The following PIAS2 variants were observed in gnomAD, a reference collection of about 807,000 sequenced individuals.
PIAS2 encodes protein inhibitor of activated STAT 2, also known as E3 SUMO-protein ligase PIAS2.
Under a neutral mutation model 69.7 loss-of-function variants are expected in PIAS2, and 19 were observed. The ratio of observed to expected loss-of-function variants is 0.27; its 90% CI spans 0.19 to 0.40. The LOEUF (loss-of-function observed/expected upper bound fraction) is 0.40. Ranked by LOEUF, PIAS2 falls within the 10% of genes least tolerant of loss-of-function variation. The pLI is 1.00. For synonymous variants in PIAS2, 261 were observed against 263.2 expected, an observed-to-expected ratio of 0.99 and a Z score of 0.08; for missense variants, 624 against 757.0, an observed-to-expected ratio of 0.82 and a Z score of 2.06.
chr18:46,867,865 T>C (rs1189221310), intron 2 of PIAS2, among the ~76,000 whole-genome samples: 1 of 152,210 alleles, frequency 6.6e-6, no homozygotes, highest in Non-Finnish European at 1.5e-5. Flanking sequence ...GCTCCAAGGC[T>C]GAACCATAAA....
chr18:46,829,990 A>AT, intron 9 of PIAS2, 123 bp from the exon 10 acceptor site: 3 of 763,528 alleles, frequency 3.9e-6, no homozygotes, highest in Non-Finnish European at 4.3e-6. Context: ...TTCTTTTGGT[A>AT]TTGCAATACT....
chr18:46,872,267 C>A (rs555633673), intron 2 of PIAS2, among the ~76,000 whole-genome samples: 1 of 152,316 alleles, frequency 6.6e-6, no homozygotes, highest in East Asian at 1.9e-4. Context: ...AGCAAAATAC[C>A]ATATGACCAT....
At chr18:46,856,058 T>A (rs1490955503) in intron 3 of PIAS2, among the ~76,000 whole-genome samples, 1 of 130,454 alleles carries the variant, frequency 7.7e-6, no homozygotes, top group African/African-American at 3.0e-5. Flanking sequence ...CAGGCTGGAG[T>A]GCAGTGGCGC....
At chr18:46,886,384 G>A (rs1370809449) in intron 2 of PIAS2, among the ~76,000 whole-genome samples, 5 of 152,078 alleles carry the variant, frequency 3.3e-5, no homozygotes, top group Admixed American at 2.6e-4. Flanking sequence ...AATGAACCAC[G>A]ACATTGTGCA....
intron 2 of PIAS2, among the ~76,000 whole-genome samples, chr18:46,879,373 G>C (rs1202149951): frequency 2.5e-5 from 2 of 78,548 alleles, no homozygotes; most frequent in Non-Finnish European, 2.5e-5. Flanking sequence ...ACACCCATCA[G>C]GATGGTCACT....
At chr18:46,817,856 C>A in intron 12 of PIAS2, 1 of 964,994 alleles carries the variant, frequency 1.0e-6, no homozygotes, top group Non-Finnish European at 1.2e-6. Flanking sequence ...ACATTTTAAG[C>A]AGAATATTAA....
chr18:46,811,475 G>C lies in PIAS2; in HGVS notation c.*958C>G, dbSNP rs1599228451. 2 of 152,040 alleles carry C rather than the reference G, an allele frequency of 1.3e-5. 1 individual carries two copies. Among genetic ancestry groups the C allele is most frequent in the East Asian group, 3.9e-4 (2 of 5,190 alleles). The allele number at this position is 152,040 out of a possible 1,614,324, so 9.4% of individuals were successfully genotyped here. ...AGTTGTTGGGAAGAAATTAAATTTT[G>C]TTATTACCACCTCCCAAAATCTGCT... On this transcript the variant is annotated 3_prime_UTR_variant, in exon 14 of 14. Coordinates refer to ENST00000585916, the MANE Select transcript of PIAS2 (RefSeq NM_004671.5).
At chr18:46,917,271 C>A (rs1599214798) in intron 1 of PIAS2, 51 bp downstream of exon 1, 1 of 1,435,660 alleles carries the variant, frequency 7.0e-7, no homozygotes, top group South Asian at 1.3e-5. Flanking sequence ...GGTTTCCCCA[C>A]CTCCTCTCCC....
chr18:46,831,757 C>CA (rs1028705014), intron 9 of PIAS2, among the ~76,000 whole-genome samples: 2 of 152,072 alleles, frequency 1.3e-5, no homozygotes, highest in African/African-American at 4.8e-5. Context: ...ATATACCAAA[C>CA]AAAAACAAAA....
intron 2 of PIAS2, among the ~76,000 whole-genome samples, chr18:46,883,840 T>G (rs1253663926): frequency 6.6e-6 from 1 of 151,998 alleles, no homozygotes; most frequent in East Asian, 1.9e-4. Flanking sequence ...TCTCAATAAA[T>G]AATAAATAAA....
intron 5 of PIAS2, among the ~76,000 whole-genome samples, chr18:46,847,554 T>C (rs1197568199): frequency 1.3e-5 from 2 of 151,416 alleles, no homozygotes; most frequent in Non-Finnish European, 2.9e-5. Flanking sequence ...CGAACTTGGC[T>C]CACTGCAAGC....
At chr18:46,836,563 G>A in intron 8 of PIAS2, 46 bp from the exon 9 acceptor site, 1 of 1,436,654 alleles carries the variant, frequency 7.0e-7, no homozygotes, top group Non-Finnish European at 9.7e-7. Context: ...AAAGGAGAAT[G>A]AGCTCAGAGG....
intron 2 of PIAS2, among the ~76,000 whole-genome samples, chr18:46,888,261 T>TC (rs1408348230): frequency 2.0e-5 from 3 of 152,092 alleles, no homozygotes; most frequent in Non-Finnish European, 2.9e-5. Flanking sequence ...ATTTTTTTTT[T>TC]CCCCATCAGC....
chr18:46,843,461 C>G (rs2145216601), intron 8 of PIAS2, among the ~76,000 whole-genome samples: 1 of 152,316 alleles, frequency 6.6e-6, no homozygotes, highest in East Asian at 1.9e-4. Context: ...TAAGTGAAGT[C>G]TGCACCATTT....
chr18:46,817,799 T>TA, intron 12 of PIAS2: 2 of 956,298 alleles, frequency 2.1e-6, no homozygotes, highest in Non-Finnish European at 2.5e-6. Flanking sequence ...TTTTAGATGT[T>TA]ATTCTTTCTA....
chr18:46,832,589 TAAAATTAAA>T (rs2043809028), intron 9 of PIAS2, among the ~76,000 whole-genome samples: 1 of 151,838 alleles, frequency 6.6e-6, no homozygotes, highest in Non-Finnish European at 1.5e-5. Context: ...TAGTATGATC[TAAAATTAAA>T]AAGATTAACT....
intron 12 of PIAS2, chr18:46,817,133 A>C: frequency 1.1e-6 from 1 of 951,776 alleles, no homozygotes; most frequent in Non-Finnish European, 1.3e-6. Flanking sequence ...AGTTTTCTTC[A>C]TTTTTACAAT....
chr18:46,864,299 C>T (rs771474104), intron 2 of PIAS2, 51 bp from the exon 3 acceptor site: 4 of 1,193,070 alleles, frequency 3.4e-6, no homozygotes, highest in Non-Finnish European at 2.4e-6. Context: ...AAATCCAACA[C>T]TACAACCACC....
intron 2 of PIAS2, among the ~76,000 whole-genome samples, chr18:46,881,836 C>T (rs1270651542): frequency 2.6e-5 from 4 of 152,224 alleles, no homozygotes; most frequent in Admixed American, 1.3e-4. Context: ...CGGTGGCTCA[C>T]GCCTGTAATC....
Sources: gnomAD v4.1 joint callset for allele counts (sites outside exome capture counted in the v4.1 genomes callset) on GRCh38, gnomAD v4.1.1 for gene constraint, MANE v1.5 for transcripts, NCBI Gene and HGNC (gene_info 2026-07-23, HGNC 2026-07-21) for gene names.